The following GTF3C1 variants were observed in gnomAD, a reference collection of about 807,000 sequenced individuals.
GTF3C1 encodes general transcription factor IIIC subunit 1.
Under a neutral mutation model 226.7 loss-of-function variants are expected in GTF3C1, and 57 were observed. The ratio of observed to expected loss-of-function variants is 0.25; its 90% CI spans 0.20 to 0.31. The LOEUF (loss-of-function observed/expected upper bound fraction) is 0.31, where lower values mean the gene tolerates loss of function less well. Among genes scored for constraint, GTF3C1 ranks in the 10% least tolerant of loss-of-function variants. The pLI, the probability that GTF3C1 is intolerant of heterozygous loss-of-function variation, is 1.00. For missense variants in GTF3C1, 2,217 were observed against 2,776.1 expected (o/e 0.80, Z 4.53); for synonymous variants, 1,090 against 1,084.8 (o/e 1.00, Z -0.09).
chr16:27,480,840 C>A, intron 27 of GTF3C1: 1 of 486,568 alleles, frequency 2.1e-6, no homozygotes, highest in Non-Finnish European at 3.7e-6. Flanking sequence ...AAAAGTACAC[C>A]AACCAAACAA....
chr16:27,495,349 T>A lies in GTF3C1; in HGVS notation c.2494A>T (p.Ile832Leu), dbSNP rs1458979729. The change falls in exon 15 of 37, where the codon ATA (isoleucine) becomes TTA (leucine). Residue 832 changes from isoleucine to leucine, a missense_variant. Physicochemically the swap from Ile to Leu is conservative, Grantham distance 5 (BLOSUM62 2). This residue lies in a region of GTF3C1 where 353 missense variants were observed against 411.7 expected (regional missense o/e 0.86). Transcript: ENST00000356183. ...KPSFISERRTIKQESGRAGVR... is the reference protein window; with the variant it reads ...KPSFISERRTLKQESGRAGVR... ...CCTGCCCTGCCTGACTCCTGCTTTATCGTTCTCCGTTCACTGATGAAGCTT... is the reference window on the plus strand; with the variant it reads ...CCTGCCCTGCCTGACTCCTGCTTTAACGTTCTCCGTTCACTGATGAAGCTT... 7 of 1,614,202 alleles carry A rather than the reference T, an allele frequency of 4.3e-6. No individual in the cohort carries two copies. The highest frequency in any genetic ancestry group is 5.1e-6 in the Non-Finnish European group (6 of 1,180,014).
intron 6 of GTF3C1, among the ~76,000 whole-genome samples, chr16:27,512,998 C>A (rs2088599750): frequency 6.6e-6 from 1 of 152,194 alleles, no homozygotes; most frequent in South Asian, 2.1e-4. Flanking sequence ...GTCTTCATCC[C>A]CAAAACATGT....
intron 32 of GTF3C1, among the ~76,000 whole-genome samples, chr16:27,468,158 G>A (rs2087811807): frequency 6.6e-6 from 1 of 152,230 alleles, no homozygotes; most frequent in South Asian, 2.1e-4. Flanking sequence ...GGTAGAGTCT[G>A]AAGATGGGAT....
At chr16:27,509,501 T>C (rs1381990973) in intron 7 of GTF3C1, among the ~76,000 whole-genome samples, 1 of 152,154 alleles carries the variant, frequency 6.6e-6, no homozygotes, top group Non-Finnish European at 1.5e-5. Flanking sequence ...CTCACTCCTG[T>C]AATCCCAGCA....
chr16:27,486,213 T>A, intron 23 of GTF3C1, 59 bp from the exon 24 acceptor site: 4 of 994,970 alleles, frequency 4.0e-6, no homozygotes, highest in Non-Finnish European at 6.2e-6. Context: ...GAGCTGTCAC[T>A]CTGCAGAGGG....
chr16:27,480,984 T>G, intron 27 of GTF3C1, 95 bp downstream of exon 27: 1 of 953,616 alleles, frequency 1.0e-6, no homozygotes, highest in Non-Finnish European at 1.7e-6. Context: ...AGGCAGGTGC[T>G]GTGCGCTTCC....
intron 29 of GTF3C1, among the ~76,000 whole-genome samples, 152 bp downstream of exon 29, chr16:27,476,298 GA>G (rs1381178758): frequency 6.6e-6 from 1 of 152,186 alleles, no homozygotes; most frequent in East Asian, 1.9e-4. Flanking sequence ...ATAAAACAAC[GA>G]TAAAAAAATA....
At chr16:27,472,095 G>C (rs981434044) in intron 29 of GTF3C1, among the ~76,000 whole-genome samples, 175 bp from the exon 30 acceptor site, 3 of 152,086 alleles carry the variant, frequency 2.0e-5, no homozygotes, top group Non-Finnish European at 4.4e-5. Context: ...TGTGTATCAG[G>C]GGGAGGGGTG....
chr16:27,477,966 T>C (rs1052759659), intron 28 of GTF3C1, among the ~76,000 whole-genome samples: 1 of 152,124 alleles, frequency 6.6e-6, no homozygotes, highest in Non-Finnish European at 1.5e-5. Context: ...GGCCAGGAGT[T>C]CCAGACCAGC....
In GTF3C1 at chr16:27,506,136, T is replaced by A; in HGVS notation, c.1553-20A>T. On this transcript the variant is annotated intron_variant, in intron 9 of 36. Coordinates refer to ENST00000356183, the MANE Select transcript of GTF3C1 (RefSeq NM_001520.4). Reference sequence around the variant, plus strand: ...ACCCACCTGTGGTGGAGGGAAGAGATAGAACAAATCAAGGGGGAGGCCAGG... The same window carrying A: ...ACCCACCTGTGGTGGAGGGAAGAGAAAGAACAAATCAAGGGGGAGGCCAGG... 1 of 1,467,972 alleles carries A rather than the reference T, an allele frequency of 6.8e-7. No individual in the cohort carries two copies. The highest frequency in any genetic ancestry group is 9.5e-7 in the Non-Finnish European group (1 of 1,048,548). The allele number at this position is 1,467,972 out of a possible 1,614,324, so 90.9% of individuals were successfully genotyped here.
chr16:27,504,314 G>A (rs80114084), intron 10 of GTF3C1, among the ~76,000 whole-genome samples: 1,802 of 152,328 alleles, frequency 0.012, 48 homozygotes, highest in African/African-American at 0.041. Context: ...GGATGGCAGA[G>A]GGAGGAAGGC....
At chr16:27,546,209 T>C (rs1405475502) in intron 1 of GTF3C1, among the ~76,000 whole-genome samples, 2 of 152,310 alleles carry the variant, frequency 1.3e-5, no homozygotes, top group South Asian at 2.1e-4. Context: ...TCTAATATCC[T>C]AACCCATTTT....
At position 27,495,428 on chromosome 16, in the gene GTF3C1, C is replaced by T. The variant is rs1269884277; in HGVS notation, c.2415G>A (p.Met805Ile). 1.9e-6 allele frequency: 3 copies of T among 1,613,998 alleles called. No individual in the cohort carries two copies. Among genetic ancestry groups the T allele is most frequent in the South Asian group, 1.1e-5 (1 of 91,056 alleles). Reference sequence around the variant, plus strand: ...GCCCGTAGATGAGGTACCACAGAAACATGTGGACCACCCGCAGGCGAGGCA... The same window carrying T: ...GCCCGTAGATGAGGTACCACAGAAATATGTGGACCACCCGCAGGCGAGGCA... ...PKMPRLRVVH[M>I]FLWYLIYGHP... Residue 805 changes from methionine to isoleucine, a missense_variant, in exon 15 of 37, where the codon ATG becomes ATA. Coordinates refer to ENST00000356183, the MANE Select transcript of GTF3C1 (RefSeq NM_001520.4).
chr16:27,487,800 T>A (rs540340700), intron 23 of GTF3C1, among the ~76,000 whole-genome samples: 152 of 152,080 alleles, frequency 1.0e-3, no homozygotes, highest in Non-Finnish European at 1.7e-3. Flanking sequence ...CGCAAAAAAA[T>A]AAAAATTAAA....
rs1430058432 is a variant in GTF3C1 at position 27,489,097 on chromosome 16, T to C, written c.3375A>G (p.Gly1125=). 1.2e-6 allele frequency: 2 copies of C among 1,614,018 alleles called. No homozygotes were observed. The highest frequency in any genetic ancestry group is 2.2e-5 in the South Asian group (2 of 91,062). The change falls in exon 21 of 37, where the codon GGA becomes GGG. Residue 1125 remains glycine (G), a synonymous_variant. Coordinates refer to ENST00000356183, the MANE Select transcript of GTF3C1 (RefSeq NM_001520.4). The part of the protein sequence containing the change: ...GAAGLDSSFY[G]HLKRNWIWTS... The stretch of plus-strand genomic sequence containing the variant: ...TCCAGATCCAGTTGCGCTTGAGGTG[T>C]CCGTAGAAGCTGGAATCGAGCCCTG...
intron 7 of GTF3C1, among the ~76,000 whole-genome samples, chr16:27,509,621 G>A (rs545278002): frequency 6.6e-6 from 1 of 152,014 alleles, no homozygotes; most frequent in Admixed American, 6.6e-5. Context: ...AGCCGGGTGT[G>A]GTGGCGGGCG....
At chr16:27,487,852 C>T (rs964762587) in intron 23 of GTF3C1, among the ~76,000 whole-genome samples, 1 of 152,084 alleles carries the variant, frequency 6.6e-6, no homozygotes, top group Admixed American at 6.6e-5. Flanking sequence ...GCCTGATTAG[C>T]ATAAACACAG....
intron 1 of GTF3C1, among the ~76,000 whole-genome samples, chr16:27,548,917 G>A (rs972371135): frequency 2.0e-5 from 3 of 152,322 alleles, no homozygotes; most frequent in Admixed American, 1.3e-4. Context: ...ACTTTGGGAG[G>A]CCGAGAGGTG....
chr16:27,489,217 G>A, intron 20 of GTF3C1, 39 bp from the exon 21 acceptor site: 6 of 1,608,066 alleles, frequency 3.7e-6, no homozygotes, highest in Non-Finnish European at 5.1e-6. Context: ...GCCCTTCTTG[G>A]TCATCACCGA....
Sources: allele counts gnomAD v4.1 joint callset (sites outside exome capture counted in the v4.1 genomes callset), GRCh38; gene constraint gnomAD v4.1.1; regional missense constraint gnomAD v4.1.1; transcripts MANE v1.5; gene names NCBI Gene and HGNC (gene_info 2026-07-23, HGNC 2026-07-21).